The following ATP5MJ variants were observed in gnomAD, a reference collection of about 807,000 sequenced individuals.
The protein encoded by ATP5MJ is ATP synthase membrane subunit j, also known as ATP synthase F(0) complex subunit j, mitochondrial.
In ATP5MJ, 4 loss-of-function variants were observed where a neutral mutation model predicts 8.3. The observed-to-expected ratio is 0.48, with a 90% CI of 0.24 to 1.11. The LOEUF is 1.11. Ranked by LOEUF, ATP5MJ falls within the 50% of genes least tolerant of loss-of-function variation. The pLI is 0.18. For missense variants in ATP5MJ, 66 were observed against 71.8 expected, an observed-to-expected ratio of 0.92 and a Z score of 0.29; for synonymous variants, 23 against 21.3, an observed-to-expected ratio of 1.08 and a Z score of -0.23.
chr14:103,917,351 T>C (rs1381994130), intron 1 of ATP5MJ, among the ~76,000 whole-genome samples: 2 of 152,058 alleles, frequency 1.3e-5, no homozygotes, highest in Non-Finnish European at 2.9e-5. Flanking sequence ...TTACATAAAA[T>C]ACCATGGCTG....
intron 1 of ATP5MJ, among the ~76,000 whole-genome samples, chr14:103,917,625 G>T (rs2087635809): frequency 6.6e-6 from 1 of 152,126 alleles, no homozygotes; most frequent in Admixed American, 6.5e-5. Context: ...ACTGGACAGA[G>T]GAGCACCAAC....
At position 103,915,062 on chromosome 14, in the gene ATP5MJ, G is replaced by T. The variant is rs560737987; in HGVS notation, c.124+4C>A. 6.2e-7 allele frequency: 1 copy of T among 1,613,548 alleles called. No individual in the cohort carries two copies. Among genetic ancestry groups the T allele is most frequent in the South Asian group, 1.1e-5 (1 of 90,968 alleles). On this transcript the variant is annotated splice_donor_region_variant and intron_variant, in intron 2 of 3. Transcript: ENST00000286953. ...TCAGAAAAATCAAACATAAGGAAAC[G>T]TACCAGCAGCCCGGATTTTATAAAC... is the stretch of plus-strand genomic sequence containing the variant.
In ATP5MJ at chr14:103,917,788, A is replaced by G. The variant is rs1206480232; in HGVS notation, c.1-2599T>C. ...AAAGTGCTTTTCGTACTTACTTCCT[A>G]CACTGCTTCCCACTCCTATAAAGTG... On this transcript the variant is annotated intron_variant, in intron 1 of 3. Transcript: ENST00000286953. Among the ~76,000 whole-genome samples the G allele has an allele frequency of 2.0e-5, 3 of 152,148 alleles. No homozygotes were observed. The East Asian group carries it at 5.8e-4, about 29-fold the overall frequency.
At chr14:103,913,719 T>C (rs1449053881) in intron 3 of ATP5MJ, 1 of 579,222 alleles carries the variant, frequency 1.7e-6, no homozygotes, top group Non-Finnish European at 3.0e-6. Flanking sequence ...CTACCTCTAA[T>C]TAATCCATTC....
At position 103,921,493 on chromosome 14, in the gene ATP5MJ, G is replaced by C. The variant is rs546121282; in HGVS notation, c.-24C>G. On this transcript the variant is annotated 5_prime_UTR_variant, in exon 1 of 4. Transcript: ENST00000286953. ...ACCTTGGCGCAGGACAGACGGCTCA[G>C]AACGCACCACAAATCTGCAGCCAAC... 2.1e-3 allele frequency: 339 copies of C among 160,280 alleles called. 2 individuals carry two copies. The highest frequency in any genetic ancestry group is 1.5e-3 in the Non-Finnish European group (110 of 72,184). The allele number at this position is 160,280 out of a possible 1,614,324, so 9.9% of individuals were successfully genotyped here.
chr14:103,921,030 C>T (rs753771281), intron 1 of ATP5MJ: 1 of 1,551,662 alleles, frequency 6.4e-7, no homozygotes, highest in South Asian at 1.2e-5. Context: ...CCTGTTGCCT[C>T]ACCCAAGTTG....
chr14:103,919,850 CAG>C (rs1212083871), intron 1 of ATP5MJ, among the ~76,000 whole-genome samples: 3 of 149,602 alleles, frequency 2.0e-5, no homozygotes, highest in Non-Finnish European at 3.0e-5. Flanking sequence ...TTTTTTTAGA[CAG>C]AGTTTCAGTT....
chr14:103,914,004 A>G lies in ATP5MJ; in HGVS notation c.125-20T>C, dbSNP rs773430486. ...TTTTATCTAAAATAAAAGGAAGGAA[A>G]AAAAAGCAGTCATATCAATGCTTTA... is the stretch of plus-strand genomic sequence containing the variant. On this transcript the variant is annotated intron_variant, in intron 2 of 3. Transcript: ENST00000286953. 6.2e-7 allele frequency: 1 copy of G among 1,600,014 alleles called. No individual in the cohort carries two copies. The highest frequency in any genetic ancestry group is 1.1e-5 in the South Asian group (1 of 88,644).
At chr14:103,920,213 C>T (rs567397371) in intron 1 of ATP5MJ, among the ~76,000 whole-genome samples, 6 of 151,712 alleles carry the variant, frequency 4.0e-5, no homozygotes, top group Middle Eastern at 3.4e-3. Context: ...CAACCTCCGC[C>T]TCCAGGGTTC....
At chr14:103,912,771 C>A in intron 3 of ATP5MJ, 77 bp from the exon 4 acceptor site, 1 of 1,437,154 alleles carries the variant, frequency 7.0e-7, no homozygotes, top group East Asian at 2.3e-5. Context: ...AAACAAGTAT[C>A]AAAAGAAGTT....
intron 1 of ATP5MJ, among the ~76,000 whole-genome samples, chr14:103,916,219 T>C (rs758617450): frequency 4.6e-5 from 7 of 152,188 alleles, no homozygotes; most frequent in Non-Finnish European, 7.4e-5. Flanking sequence ...CTGAATTTGA[T>C]TGGGAAAAGC....
chr14:103,916,410 A>T (rs2087626185), intron 1 of ATP5MJ, among the ~76,000 whole-genome samples: 1 of 152,192 alleles, frequency 6.6e-6, no homozygotes, highest in Non-Finnish European at 1.5e-5. Context: ...GTCAGGAGTG[A>T]CTAGATCTAA....
intron 1 of ATP5MJ, among the ~76,000 whole-genome samples, chr14:103,916,135 C>T (rs942025533): frequency 6.6e-6 from 1 of 152,094 alleles, no homozygotes; most frequent in Non-Finnish European, 1.5e-5. Context: ...CATAAGACAA[C>T]GAGGTCACTT....
rs556833677 is a variant in ATP5MJ at position 103,912,788 on chromosome 14, C to A, written c.149-94G>T. 782 of 1,279,002 alleles carry A rather than the reference C, an allele frequency of 6.1e-4. 2 individuals carry two copies. Among genetic ancestry groups the A allele is most frequent in the Non-Finnish European group, 8.5e-4 (751 of 886,938 alleles). 79.2% of individuals were successfully genotyped at this position (1,279,002 alleles called of 1,614,324 possible). A position where few individuals can be genotyped will look rare whatever the true frequency, so the allele number is the denominator to read the frequency against. On this transcript the variant is annotated intron_variant, in intron 3 of 3. Coordinates refer to ENST00000286953, the MANE Select transcript of ATP5MJ (RefSeq NM_004894.3). ...ACAAGTATCAAAAGAAGTTGATCAA[C>A]AGTCCAAAAAGATAAATGACACCTT...
intron 1 of ATP5MJ, among the ~76,000 whole-genome samples, chr14:103,917,465 T>A (rs1204313335): frequency 6.6e-6 from 1 of 152,140 alleles, no homozygotes; most frequent in East Asian, 1.9e-4. Context: ...CAACTTTTTT[T>A]TTTTTTGCTT....
intron 1 of ATP5MJ, among the ~76,000 whole-genome samples, chr14:103,920,774 CCT>C (rs2087670729): frequency 6.6e-6 from 1 of 152,152 alleles, no homozygotes; most frequent in African/African-American, 2.4e-5. Flanking sequence ...CCGGCCGGCC[CCT>C]TTCTTGAGTC....
intron 1 of ATP5MJ, among the ~76,000 whole-genome samples, chr14:103,919,383 TAAAAAAAAA>T (rs34078178): frequency 7.7e-6 from 1 of 130,214 alleles, no homozygotes; most frequent in African/African-American, 2.8e-5. Flanking sequence ...CCCTTTATCT[TAAAAAAAAA>T]AAAAAAAAAA....
intron 1 of ATP5MJ, among the ~76,000 whole-genome samples, chr14:103,918,940 T>C (rs1364161896): frequency 6.6e-6 from 1 of 151,552 alleles, no homozygotes; most frequent in Non-Finnish European, 1.5e-5. Flanking sequence ...GAGAATGGCG[T>C]GAACCCGGGA....
chr14:103,915,826 A>G (rs2087621289), intron 1 of ATP5MJ, among the ~76,000 whole-genome samples: 1 of 151,212 alleles, frequency 6.6e-6, no homozygotes, highest in African/African-American at 2.4e-5. Context: ...AACTCAACCC[A>G]TCCCCAGGGC....
Sources: allele counts gnomAD v4.1 joint callset (sites outside exome capture counted in the v4.1 genomes callset), GRCh38; gene constraint gnomAD v4.1.1; transcripts MANE v1.5; gene names NCBI Gene and HGNC (gene_info 2026-07-23, HGNC 2026-07-21).